ATP6V1B1: variants seen among roughly 807,000 people sequenced by gnomAD.
ATP6V1B1 encodes the protein V-type proton ATPase subunit B, kidney isoform.
Under a neutral mutation model 62.1 loss-of-function variants are expected in ATP6V1B1, and 41 were observed. The ratio of observed to expected loss-of-function variants is 0.66; its 90% CI spans 0.51 to 0.86. ATP6V1B1 has a LOEUF of 0.86. Among genes scored for constraint, ATP6V1B1 ranks in the 40% least tolerant of loss-of-function variants. The pLI is 0.00. For synonymous variants in ATP6V1B1, 253 were observed against 273.4 expected, an observed-to-expected ratio of 0.93 and a Z score of 0.74; for missense variants, 651 against 697.5, an observed-to-expected ratio of 0.93 and a Z score of 0.75.
At chr2:70,951,671 G>A (rs782126061) in intron 2 of ATP6V1B1, among the ~76,000 whole-genome samples, 5 of 151,976 alleles carry the variant, frequency 3.3e-5, no homozygotes, top group Non-Finnish European at 5.9e-5. Flanking sequence ...ACTTCAGGAC[G>A]CCGAGGCAGG....
chr2:70,937,042 T>C (rs1421832633), intron 1 of ATP6V1B1, among the ~76,000 whole-genome samples: 2 of 151,428 alleles, frequency 1.3e-5, no homozygotes, highest in African/African-American at 4.9e-5. Context: ...CTCACTGGAG[T>C]AAACCAGCAT....
intron 1 of ATP6V1B1, chr2:70,938,809 G>A: frequency 1.0e-6 from 1 of 984,646 alleles, no homozygotes; most frequent in South Asian, 4.7e-5. Flanking sequence ...GAGGTGCCCA[G>A]CAGGAGCAAA....
At chr2:70,954,234 A>G (rs565133540) in intron 2 of ATP6V1B1, among the ~76,000 whole-genome samples, 1 of 152,310 alleles carries the variant, frequency 6.6e-6, no homozygotes, top group African/African-American at 2.4e-5. Context: ...CTTATCTAAT[A>G]TAATCATTTA....
At chr2:70,951,636 G>C (rs1680324493) in intron 2 of ATP6V1B1, among the ~76,000 whole-genome samples, 1 of 152,068 alleles carries the variant, frequency 6.6e-6, no homozygotes, top group Non-Finnish European at 1.5e-5. Flanking sequence ...GGCCAGGCGC[G>C]GTGGCTCATG....
chr2:70,943,079 C>G (rs1553416644), intron 1 of ATP6V1B1, among the ~76,000 whole-genome samples: 1 of 152,198 alleles, frequency 6.6e-6, no homozygotes, highest in Admixed American at 6.5e-5. Context: ...ACTCCCTCCC[C>G]TCCCATGCTG....
rs141969350 is a variant in ATP6V1B1, at chr2:70,959,073, G to A, written c.423G>A (p.Ala141=). The change falls in exon 5 of 14, where the codon GCG becomes GCA. Residue 141 remains alanine, a synonymous_variant. Coordinates refer to ENST00000234396, the MANE Select transcript of ATP6V1B1 (RefSeq NM_001692.4). The surrounding 1 kb of genome is among the most constrained non-coding windows in gnomAD (Gnocchi z 4.2). The part of the protein sequence containing the change: ...KPIDKGPVVM[A]EDFLDINGQP... ...TTGACAAGGGGCCAGTGGTCATGGC[G>A]GAGGACTTTCTGGATATCAATGGTG... The A allele has an allele frequency of 7.9e-5, 128 of 1,613,992 alleles. No individual in the cohort carries two copies. Among genetic ancestry groups the A allele is most frequent in the Admixed American group, 1.3e-4 (8 of 59,994 alleles).
chr2:70,954,394 T>C lies in ATP6V1B1; in HGVS notation c.175-3652T>C, dbSNP rs181396339. Among the ~76,000 whole-genome samples, 206 of 152,360 alleles carry C rather than the reference T, an allele frequency of 1.4e-3. 3 individuals carry two copies. The highest frequency in any genetic ancestry group is 0.013 in the Admixed American group (192 of 15,306). On this transcript the variant is annotated intron_variant, in intron 2 of 13. Transcript: ENST00000234396. The stretch of plus-strand genomic sequence containing the variant: ...GTATTTCTAACCATTTTTTTGCTGT[T>C]GTTATTGATTTCTAACTTACTTTTA...
At chr2:70,956,525 T>A (rs535641553) in intron 2 of ATP6V1B1, among the ~76,000 whole-genome samples, 14 of 152,388 alleles carry the variant, frequency 9.2e-5, no homozygotes, top group African/African-American at 3.4e-4. Flanking sequence ...CTTTCCAAAG[T>A]GGCTGCACTA....
In ATP6V1B1 at chr2:70,963,367, A is replaced by G; in HGVS notation, c.1060+55A>G. 6.2e-7 allele frequency: 1 copy of G among 1,611,678 alleles called. No homozygotes were observed. Among genetic ancestry groups the G allele is most frequent in the Non-Finnish European group, 8.5e-7 (1 of 1,179,526 alleles). On this transcript the variant is annotated intron_variant, in intron 10 of 13. Coordinates refer to ENST00000234396, the MANE Select transcript of ATP6V1B1 (RefSeq NM_001692.4). The surrounding 1 kb of genome is among the most constrained non-coding windows in gnomAD (Gnocchi z 4.3). ...GAGCTCCCCTGTCCTCCCTTTTCCAACCAGATACTTAAAGGGCCCACGTTG... is the reference window on the plus strand; with the variant it reads ...GAGCTCCCCTGTCCTCCCTTTTCCAGCCAGATACTTAAAGGGCCCACGTTG...
chr2:70,962,945 C>G, intron 9 of ATP6V1B1, 45 bp downstream of exon 9: 1 of 1,612,404 alleles, frequency 6.2e-7, no homozygotes, highest in South Asian at 1.1e-5. Flanking sequence ...CTACCCCTCC[C>G]TAAGCCTGAC....
At position 70,943,720 on chromosome 2, in the gene ATP6V1B1, C is replaced by G. The variant is rs1409355618; in HGVS notation, c.174+7C>G. ...GGTGCTGGACCGGGTCAAGGTAAGA[C>G]TCTTCTGCTGCCTCCCTGGCACTAA... On this transcript the variant is annotated splice_region_variant and intron_variant, in intron 2 of 13. Transcript: ENST00000234396. 1 of 1,613,514 alleles carries G rather than the reference C, an allele frequency of 6.2e-7. No homozygotes were observed. The highest frequency in any genetic ancestry group is 8.5e-7 in the Non-Finnish European group (1 of 1,179,946).
intron 2 of ATP6V1B1, chr2:70,944,241 G>A (rs1396432425): frequency 1.2e-5 from 15 of 1,288,088 alleles, no homozygotes; most frequent in Non-Finnish European, 1.5e-5. Flanking sequence ...TAAGTGAAGT[G>A]GGCCCCACCA....
intron 2 of ATP6V1B1, among the ~76,000 whole-genome samples, chr2:70,949,310 T>C (rs1405770744): frequency 1.3e-5 from 2 of 152,240 alleles, no homozygotes; most frequent in Non-Finnish European, 2.9e-5. Flanking sequence ...ATGGATGTAC[T>C]GTAACTTACT....
intron 3 of ATP6V1B1, 56 bp from the exon 4 acceptor site, chr2:70,958,277 A>C (rs1355391618): frequency 1.3e-6 from 2 of 1,589,216 alleles, no homozygotes; most frequent in Non-Finnish European, 1.7e-6. Context: ...CAGAATGGGT[A>C]GCCCCATTCC....
At position 70,960,905 on chromosome 2, in the gene ATP6V1B1, ATCCAC is replaced by A; in HGVS notation, c.586-13_586-9del. ...TCCGACTCTGACGTCCTCCTGCCCA[ATCCAC>A]TCTGCCCTAGATTGCCGCTCAGATC... On this transcript the variant is annotated splice_polypyrimidine_tract_variant and intron_variant, in intron 6 of 13. Coordinates refer to ENST00000234396, the MANE Select transcript of ATP6V1B1 (RefSeq NM_001692.4). 6.3e-7 allele frequency: 1 copy of A among 1,594,530 alleles called. No homozygotes were observed. Among genetic ancestry groups the A allele is most frequent in the South Asian group, 1.1e-5 (1 of 88,354 alleles).
intron 2 of ATP6V1B1, among the ~76,000 whole-genome samples, chr2:70,955,555 T>A (rs1020947871): frequency 3.3e-5 from 5 of 152,210 alleles, no homozygotes; most frequent in Non-Finnish European, 5.9e-5. Context: ...ATTCTGGACA[T>A]TTTCTATTAA....
Position 70,958,183 on chromosome 2 carries a change from T to C in ATP6V1B1, c.273+39T>C, listed in dbSNP as rs782131106. 29 of 1,604,976 alleles carry C rather than the reference T, an allele frequency of 1.8e-5. 1 individual carries two copies. In the South Asian group the frequency reaches 1.9e-4, roughly 10 times the overall value. Reference sequence around the variant, plus strand: ...ATGGGACATTGGCTAGTTAAATCAATGAATTAACCCATAAAGTTCCCACAC... The same window carrying C: ...ATGGGACATTGGCTAGTTAAATCAACGAATTAACCCATAAAGTTCCCACAC... On this transcript the variant is annotated intron_variant, in intron 3 of 13. Transcript: ENST00000234396.
chr2:70,958,970 A>G (rs782801066), intron 4 of ATP6V1B1, 48 bp from the exon 5 acceptor site: 4 of 1,577,142 alleles, frequency 2.5e-6, no homozygotes, highest in Non-Finnish European at 3.5e-6. Flanking sequence ...GTAGTGAGGG[A>G]CACAGGGCTA....
At chr2:70,956,490 G>A (rs1374216544) in intron 2 of ATP6V1B1, among the ~76,000 whole-genome samples, 1 of 152,074 alleles carries the variant, frequency 6.6e-6, no homozygotes, top group Non-Finnish European at 1.5e-5. Context: ...TTTCACTTTT[G>A]GCTATTATGA....
Sources: allele counts gnomAD v4.1 joint callset (sites outside exome capture counted in the v4.1 genomes callset), GRCh38; gene constraint gnomAD v4.1.1; non-coding constraint Gnocchi (gnomAD v3.1); transcripts MANE v1.5; gene names NCBI Gene and HGNC (gene_info 2026-07-23, HGNC 2026-07-21).